ZNF561: variants seen among roughly 807,000 people sequenced by gnomAD.
ZNF561 encodes the protein zinc finger protein 561.
A neutral mutation model predicts 16.7 loss-of-function variants in ZNF561; 16 were observed. The observed-to-expected ratio is 0.96, with a 90% CI of 0.65 to 1.45. ZNF561 has a LOEUF of 1.45. Among genes scored for constraint, ZNF561 ranks in the 40% most tolerant of loss-of-function variants. The probability of loss-of-function intolerance (pLI) is 0.00; values close to 1 mark genes in which losing one functional copy is unlikely to be tolerated. For missense variants in ZNF561, 580 were observed against 578.0 expected, an observed-to-expected ratio of 1.00 and a Z score of -0.04; for synonymous variants, 190 against 192.1, an observed-to-expected ratio of 0.99 and a Z score of 0.09.
At chr19:9,617,215 C>T in intron 3 of ZNF561, 44 bp from the exon 4 acceptor site, 3 of 1,591,716 alleles carry the variant, frequency 1.9e-6, no homozygotes, top group Non-Finnish European at 2.6e-6. Context: ...TGAACACTTC[C>T]ACCAATATTC....
rs1343036090 is a variant in ZNF561, at chr19:9,607,608, A to G, written c.*2592T>C. 9 of 152,350 alleles carry G rather than the reference A, an allele frequency of 5.9e-5. No individual in the cohort carries two copies. Among genetic ancestry groups the G allele is most frequent in the Admixed American group, 5.2e-4 (8 of 15,296 alleles). The allele number at this position is 152,350 out of a possible 1,614,324, so 9.4% of individuals were successfully genotyped here. Reference sequence around the variant, plus strand: ...TAAAATAGAGCACGTATCTCAGCAGAACTGCAGACAATTATGCTGGTATTA... The same window carrying G: ...TAAAATAGAGCACGTATCTCAGCAGGACTGCAGACAATTATGCTGGTATTA... On this transcript the variant is annotated 3_prime_UTR_variant, in exon 6 of 6. Transcript: ENST00000302851.
chr19:9,619,206 A>G (rs914842516), intron 2 of ZNF561: 2 of 254,978 alleles, frequency 7.8e-6, no homozygotes, highest in African/African-American at 2.2e-5. Context: ...GCAGTGAGCT[A>G]AGATTGCACC....
intron 4 of ZNF561, among the ~76,000 whole-genome samples, chr19:9,614,637 AAG>A (rs1169726895): frequency 6.6e-6 from 1 of 152,102 alleles, no homozygotes; most frequent in African/African-American, 2.4e-5. Context: ...GGAAAACAGA[AAG>A]AGTAGATTTT....
In ZNF561 at chr19:9,608,757, T is replaced by TTA. The variant is rs1397032818; in HGVS notation, c.*1442_*1443insTA. The TTA allele has an allele frequency of 6.6e-6, 1 of 152,208 alleles. No individual in the cohort carries two copies. Among genetic ancestry groups the TTA allele is most frequent in the East Asian group, 1.9e-4 (1 of 5,206 alleles). The allele number at this position is 152,208 out of a possible 1,614,324, so 9.4% of individuals were successfully genotyped here. A position where few individuals can be genotyped will look rare whatever the true frequency, so the allele number is the denominator to read the frequency against. ...TAGTGAAGAACTTGGCAGAACTGTA[T>TTA]TCTAGCACTTTGCGGAAGGTAGAGC... On this transcript the variant is annotated 3_prime_UTR_variant, in exon 6 of 6. Transcript: ENST00000302851.
chr19:9,611,764 T>A (rs1391478494), intron 5 of ZNF561, among the ~76,000 whole-genome samples: 1 of 151,618 alleles, frequency 6.6e-6, no homozygotes, highest in African/African-American at 2.4e-5. Flanking sequence ...TTTTTCAGAG[T>A]TGGGGTTTTG....
Position 9,619,531 on chromosome 19 carries a change from T to C in ZNF561, c.-75A>G. On this transcript the variant is annotated 5_prime_UTR_variant, in exon 2 of 6. Transcript: ENST00000302851. ...ATCACCTCAGGCCAGCTTATGAATCTAGGTGGATAGAGGCAATCTCCATTC... is the reference window on the plus strand; with the variant it reads ...ATCACCTCAGGCCAGCTTATGAATCCAGGTGGATAGAGGCAATCTCCATTC... 6.5e-7 allele frequency: 1 copy of C among 1,528,342 alleles called. No individual in the cohort carries two copies. Among genetic ancestry groups the C allele is most frequent in the Non-Finnish European group, 9.0e-7 (1 of 1,107,188 alleles). 94.7% of individuals were successfully genotyped at this position (1,528,342 alleles called of 1,614,324 possible).
chr19:9,609,218 GCTTA>G lies in ZNF561; in HGVS notation c.*978_*981del, dbSNP rs1223615315. On this transcript the variant is annotated 3_prime_UTR_variant, in exon 6 of 6. Transcript: ENST00000302851. ...TCTATAGAAATAATGTTTATCACAG[GCTTA>G]CTGTCAATAAATATGTGGGTCAAAC... is the stretch of plus-strand genomic sequence containing the variant. 5 of 152,100 alleles carry G rather than the reference GCTTA, an allele frequency of 3.3e-5. No homozygotes were observed. Among genetic ancestry groups the G allele is most frequent in the Non-Finnish European group, 5.9e-5 (4 of 68,034 alleles). 9.4% of individuals were successfully genotyped at this position (152,100 alleles called of 1,614,324 possible).
intron 1 of ZNF561, among the ~76,000 whole-genome samples, chr19:9,620,009 G>C (rs1471242368): frequency 1.3e-5 from 2 of 151,606 alleles, no homozygotes; most frequent in African/African-American, 2.4e-5. Flanking sequence ...ACTCTCTGTA[G>C]CCTAGACTTC....
In ZNF561 at chr19:9,614,283, T is replaced by A. The variant is rs539947585; in HGVS notation, c.242-180A>T. ...TGTGGGGTTTATTACATAACTGATG[T>A]GTTTAGATAGTTTATTACAAACTAC... On this transcript the variant is annotated intron_variant, in intron 4 of 5. Coordinates refer to ENST00000302851, the MANE Select transcript of ZNF561 (RefSeq NM_152289.3). The A allele has an allele frequency of 6.1e-5, 39 of 644,046 alleles. No homozygotes were observed. In the South Asian group the frequency reaches 7.1e-4, roughly 12 times the overall value. The allele number at this position is 644,046 out of a possible 1,614,324, so 39.9% of individuals were successfully genotyped here. A position where few individuals can be genotyped will look rare whatever the true frequency, so the allele number is the denominator to read the frequency against.
At position 9,611,083 on chromosome 19, in the gene ZNF561, G is replaced by C. The variant is rs947301463; in HGVS notation, c.578C>G (p.Ala193Gly). 7.4e-6 allele frequency: 12 copies of C among 1,613,978 alleles called. No individual in the cohort carries two copies. In the African/African-American group the frequency reaches 1.1e-4, roughly 14 times the overall value. ...TTCCTTACATTTGTAGGGTTGTCTT[G>C]CATTGAGAACTTCAAGATGTACAGC... ...GLAVHLEVLN[A>G]RQPYKCKECG... The change falls in exon 6 of 6, where the codon GCA (alanine) becomes GGA (glycine). Residue 193 changes from alanine (A) to glycine (G), a missense_variant. By Grantham distance (60) the Ala-to-Gly change is moderately conservative. Coordinates refer to ENST00000302851, the MANE Select transcript of ZNF561 (RefSeq NM_152289.3).
At chr19:9,614,271 A>G (rs1312543670) in intron 4 of ZNF561, 168 bp from the exon 5 acceptor site, 1 of 693,146 alleles carries the variant, frequency 1.4e-6, no homozygotes, top group Non-Finnish European at 2.4e-6. Flanking sequence ...GGGGTTTATT[A>G]CATAACTGAT....
intron 2 of ZNF561, among the ~76,000 whole-genome samples, chr19:9,618,570 C>CA (rs546400495): frequency 3.3e-4 from 50 of 151,458 alleles, no homozygotes; most frequent in African/African-American, 1.1e-3. Context: ...ACTAAAAATA[C>CA]AAAAAATTAG....
intron 3 of ZNF561, chr19:9,617,730 C>A (rs1439992410): frequency 4.4e-6 from 2 of 458,078 alleles, no homozygotes; most frequent in East Asian, 6.9e-5. Context: ...GGTGTCTATG[C>A]AGCACACTCC....
chr19:9,613,136 GTTAC>G (rs1412267415), intron 5 of ZNF561, among the ~76,000 whole-genome samples: 2 of 152,138 alleles, frequency 1.3e-5, no homozygotes, highest in African/African-American at 4.8e-5. Context: ...TCAATGTCTA[GTTAC>G]TTATGTGGGA....
chr19:9,617,546 G>C (rs2074578261), intron 3 of ZNF561: 2 of 351,724 alleles, frequency 5.7e-6, no homozygotes, highest in Non-Finnish European at 1.1e-5. Flanking sequence ...ATAAAAACAG[G>C]GTCCAACTGT....
chr19:9,611,258 T>C lies in ZNF561; in HGVS notation c.403A>G (p.Thr135Ala), dbSNP rs1262454895. ...CCTCCATTCTGAACTCTCATGTGTGTCTTAAGGCAAAACTGTTCCCTGAAG... is the reference window on the plus strand; with the variant it reads ...CCTCCATTCTGAACTCTCATGTGTGCCTTAAGGCAAAACTGTTCCCTGAAG... ...EVFREQFCLK[T>A]HMRVQNGGNT... Residue 135 changes from threonine to alanine, a missense_variant, in exon 6 of 6, where the codon ACA becomes GCA. Thr to Ala is a moderately conservative substitution (Grantham distance 58, BLOSUM62 0). Transcript: ENST00000302851. The C allele has an allele frequency of 5.0e-6, 8 of 1,613,856 alleles. No homozygotes were observed. The highest frequency in any genetic ancestry group is 1.7e-5 in the Admixed American group (1 of 59,972).
rs760647055 is a variant in ZNF561 at position 9,608,784 on chromosome 19, TGA to T, written c.*1414_*1415del. ...CTAGCACTTTGCGGAAGGTAGAGCT[TGA>T]GAGAGATAAAACTGGTTATGTATCA... On this transcript the variant is annotated 3_prime_UTR_variant, in exon 6 of 6. Coordinates refer to ENST00000302851, the MANE Select transcript of ZNF561 (RefSeq NM_152289.3). The T allele has an allele frequency of 2.0e-5, 3 of 152,256 alleles. No individual in the cohort carries two copies. The highest frequency in any genetic ancestry group is 2.1e-4 in the South Asian group (1 of 4,828). The allele number at this position is 152,256 out of a possible 1,614,324, so 9.4% of individuals were successfully genotyped here. A position where few individuals can be genotyped will look rare whatever the true frequency, so the allele number is the denominator to read the frequency against.
Position 9,607,343 on chromosome 19 carries a change from T to G in ZNF561, c.*2857A>C, listed in dbSNP as rs758617829. 5.3e-5 allele frequency: 8 copies of G among 152,186 alleles called. No homozygotes were observed. The highest frequency in any genetic ancestry group is 2.0e-4 in the Admixed American group (3 of 15,268). 9.4% of individuals were successfully genotyped at this position (152,186 alleles called of 1,614,324 possible). ...TCACCACATCATTTCATTGAAGTAT[T>G]TATTACATACCATCATTGGCCAGGA... On this transcript the variant is annotated 3_prime_UTR_variant, in exon 6 of 6. Transcript: ENST00000302851.
In ZNF561 at chr19:9,619,632, C is replaced by T. The variant is rs1599238312; in HGVS notation, c.-126-50G>A. 8 of 520,990 alleles carry T rather than the reference C, an allele frequency of 1.5e-5. No individual in the cohort carries two copies. The East Asian group carries it at 2.8e-4, about 18-fold the overall frequency. The allele number at this position is 520,990 out of a possible 1,614,324, so 32.3% of individuals were successfully genotyped here. On this transcript the variant is annotated intron_variant, in intron 1 of 5. Transcript: ENST00000302851. ...CAAGCATGAAACATCAGTCATCAAA[C>T]ATTATGCCTGAGCTTTGTCTCTGCA...
Sources: allele counts gnomAD v4.1 joint callset (sites outside exome capture counted in the v4.1 genomes callset), GRCh38; gene constraint gnomAD v4.1.1; transcripts MANE v1.5; gene names NCBI Gene and HGNC (gene_info 2026-07-23, HGNC 2026-07-21).